The following TMEM232 variants were observed in gnomAD, a reference collection of about 807,000 sequenced individuals.
TMEM232 encodes transmembrane protein 232.
In TMEM232, 80 loss-of-function variants were observed where a neutral mutation model predicts 78.8. That is an observed-to-expected ratio of 1.01 (90% confidence interval 0.85 to 1.22). The LOEUF (loss-of-function observed/expected upper bound fraction) is 1.22, where lower values mean the gene tolerates loss of function less well. Ranked by LOEUF, TMEM232 falls within the 50% of genes most tolerant of loss-of-function variation. The pLI is 0.00. For synonymous variants in TMEM232, 297 were observed against 254.3 expected (o/e 1.17, Z -1.60); for missense variants, 881 against 742.2 (o/e 1.19, Z -2.17).
rs368747076 is a variant in TMEM232, at chr5:110,679,338, C to T, written c.-12-11974G>A. ...TCTATATTTCATCTTTGTTGAGGTG[C>T]TGTTAAGGTTTTTGGTCCATTTTTA... On this transcript the variant is annotated intron_variant, in intron 1 of 13. Transcript: ENST00000455884. Among the ~76,000 whole-genome samples, 6 of 152,278 alleles carry T rather than the reference C, an allele frequency of 3.9e-5. No homozygotes were observed. The South Asian group carries it at 1.0e-3, about 26-fold the overall frequency.
At chr5:110,683,762 A>C (rs896379735) in intron 1 of TMEM232, among the ~76,000 whole-genome samples, 1 of 151,916 alleles carries the variant, frequency 6.6e-6, no homozygotes, top group African/African-American at 2.4e-5. Flanking sequence ...ACTTATTGGG[A>C]AATATTACCT....
chr5:110,578,501 T>C (rs1183475992), intron 10 of TMEM232, among the ~76,000 whole-genome samples: 2 of 151,990 alleles, frequency 1.3e-5, no homozygotes, highest in Non-Finnish European at 2.9e-5. Flanking sequence ...TCATCCAAAA[T>C]TGCTGACATC....
intron 2 of TMEM232, among the ~76,000 whole-genome samples, chr5:110,650,252 T>C (rs1026109515): frequency 8.5e-5 from 13 of 152,088 alleles, no homozygotes; most frequent in Non-Finnish European, 2.9e-5. Flanking sequence ...GATTTCCCTC[T>C]CTCCAATAGT....
chr5:110,624,029 G>A (rs1784104324), intron 7 of TMEM232, among the ~76,000 whole-genome samples: 1 of 152,080 alleles, frequency 6.6e-6, no homozygotes, highest in East Asian at 1.9e-4. Context: ...TGCACCAAGA[G>A]TGACAAAATG....
At chr5:110,546,217 TATGAG>T (rs1773762775) in intron 11 of TMEM232, among the ~76,000 whole-genome samples, 1 of 151,976 alleles carries the variant, frequency 6.6e-6, no homozygotes, top group Admixed American at 6.6e-5. Flanking sequence ...TAAAAAAACA[TATGAG>T]ATGAGAGTAG....
At chr5:110,427,057 G>A (rs1012826580) in intron 12 of TMEM232, among the ~76,000 whole-genome samples, 10 of 151,648 alleles carry the variant, frequency 6.6e-5, no homozygotes, top group African/African-American at 2.2e-4. Flanking sequence ...GTTGAATTTT[G>A]TGCTAGAAAA....
chr5:110,448,567 G>C (rs1180830128), intron 12 of TMEM232, among the ~76,000 whole-genome samples: 4 of 151,918 alleles, frequency 2.6e-5, no homozygotes, highest in Admixed American at 6.6e-5. Context: ...GTTGCTTAAA[G>C]AGAAAATAAC....
chr5:110,638,678 C>T (rs1469381561), intron 4 of TMEM232, among the ~76,000 whole-genome samples: 1 of 152,050 alleles, frequency 6.6e-6, no homozygotes, highest in Non-Finnish European at 1.5e-5. Flanking sequence ...CTTTGGAACC[C>T]TAAGCTGCCA....
chr5:110,656,500 C>T (rs1164122158), intron 2 of TMEM232, among the ~76,000 whole-genome samples: 1 of 152,036 alleles, frequency 6.6e-6, no homozygotes, highest in Non-Finnish European at 1.5e-5. Context: ...AAGATAAAGA[C>T]AATGATAGAA....
intron 2 of TMEM232, among the ~76,000 whole-genome samples, chr5:110,404,042 TTCTC>T (rs1755701101): frequency 6.6e-6 from 1 of 151,978 alleles, no homozygotes; most frequent in Non-Finnish European, 1.5e-5. Flanking sequence ...AGTCTTACCT[TTCTC>T]TCTTCACTCC....
At chr5:110,402,085 G>A (rs1387248697) in intron 2 of TMEM232, among the ~76,000 whole-genome samples, 5 of 152,092 alleles carry the variant, frequency 3.3e-5, no homozygotes, top group Admixed American at 6.6e-5. Flanking sequence ...AGAGGCTGAA[G>A]AAGAAAAATC....
chr5:110,689,798 A>G (rs982933652), intron 1 of TMEM232, among the ~76,000 whole-genome samples: 26 of 152,188 alleles, frequency 1.7e-4, no homozygotes, highest in African/African-American at 6.3e-4. Flanking sequence ...ATATAGACCA[A>G]TGAAACAGAA....
intron 12 of TMEM232, among the ~76,000 whole-genome samples, chr5:110,466,706 G>A (rs1762111455): frequency 6.6e-6 from 1 of 150,916 alleles, no homozygotes; most frequent in Non-Finnish European, 1.5e-5. Flanking sequence ...TCTGCCTCCT[G>A]GGTTCATGCC....
chr5:110,724,056 C>G (rs1293399999), intron 1 of TMEM232, among the ~76,000 whole-genome samples: 1 of 152,176 alleles, frequency 6.6e-6, no homozygotes, highest in Non-Finnish European at 1.5e-5. Context: ...TATATTCCAT[C>G]AAATACAATC....
At chr5:110,683,049 G>A (rs567922367) in intron 1 of TMEM232, among the ~76,000 whole-genome samples, 1 of 152,154 alleles carries the variant, frequency 6.6e-6, no homozygotes, top group South Asian at 2.1e-4. Context: ...TCTACAAATA[G>A]GGATTATATT....
At chr5:110,704,058 C>T (rs150672483) in intron 1 of TMEM232, among the ~76,000 whole-genome samples, 1,847 of 152,112 alleles carry the variant, frequency 0.012, 45 homozygotes, top group African/African-American at 0.042. Flanking sequence ...AAAGGGGATA[C>T]GCTCCATTTC....
chr5:110,642,329 A>C lies in TMEM232; in HGVS notation c.168T>G (p.Asn56Lys). ...CCTTCTCTTTGGAATTTTGTGTTTG[A>C]TTGAATCTCAAGATGAATTCTTTTG... Reference protein sequence around the residue: ...SITKEFILRFNQTQNSKEKEE... With the variant: ...SITKEFILRFKQTQNSKEKEE... Residue 56 changes from asparagine (N) to lysine (K), a missense_variant, in exon 3 of 14, where the codon AAT becomes AAG. By Grantham distance (94) the Asn-to-Lys change is moderately conservative. Coordinates refer to ENST00000455884, the MANE Select transcript of TMEM232 (RefSeq NM_001039763.4). 1 of 1,537,882 alleles carries C rather than the reference A, an allele frequency of 6.5e-7. No homozygotes were observed. Among genetic ancestry groups the C allele is most frequent in the Non-Finnish European group, 8.8e-7 (1 of 1,142,500 alleles).
chr5:110,480,200 G>C (rs1264490428), intron 12 of TMEM232, among the ~76,000 whole-genome samples: 2 of 151,184 alleles, frequency 1.3e-5, no homozygotes, highest in African/African-American at 4.9e-5. Context: ...AATAGCAGTG[G>C]GAGAAAAAGA....
chr5:110,492,476 T>C (rs1206500659), intron 12 of TMEM232, among the ~76,000 whole-genome samples: 2 of 151,926 alleles, frequency 1.3e-5, no homozygotes, highest in Non-Finnish European at 2.9e-5. Context: ...TAAAATTAAA[T>C]CACTATTCAT....
Sources: allele counts gnomAD v4.1 joint callset (sites outside exome capture counted in the v4.1 genomes callset), GRCh38; gene constraint gnomAD v4.1.1; transcripts MANE v1.5; gene names NCBI Gene and HGNC (gene_info 2026-07-23, HGNC 2026-07-21).